Variants in CHRNB4 observed in about 807,000 individuals in gnomAD.
The protein encoded by CHRNB4 is neuronal acetylcholine receptor subunit beta-4.
CHRNB4 carries 23 observed loss-of-function variants against 40.4 expected under a neutral mutation model. The ratio of observed to expected loss-of-function variants is 0.57; its 90% CI spans 0.41 to 0.81. The LOEUF (loss-of-function observed/expected upper bound fraction) is 0.81. Ranked by LOEUF, CHRNB4 falls within the 30% of genes least tolerant of loss-of-function variation. The pLI, the probability that CHRNB4 is intolerant of heterozygous loss-of-function variation, is 0.00. For synonymous variants in CHRNB4, 285 were observed against 274.4 expected, an observed-to-expected ratio of 1.04 and a Z score of -0.38; for missense variants, 568 against 670.6, an observed-to-expected ratio of 0.85 and a Z score of 1.69.
At chr15:78,645,825 T>TG (rs2054118365), upstream of CHRNB4, among the ~76,000 whole-genome samples, 2 of 152,042 alleles carry the variant, frequency 1.3e-5, no homozygotes, top group Non-Finnish European at 2.9e-5. Flanking sequence ...TTTGGGAGGC[T>TG]GGGGCGGGTG....
intron 5 of CHRNB4, chr15:78,626,384 G>GTGTGTGTGTGTGTGTGT (rs35851650): frequency 2.3e-5 from 2 of 86,876 alleles, no homozygotes; most frequent in African/African-American, 3.9e-5. Context: ...GTGTGTGTGT[G>GTGTGTGTGTGTGTGTGT]TTTCCCCCTT....
chr15:78,654,206 C>T (rs1458881966), intron 5 of CHRNB4, among the ~76,000 whole-genome samples: 2 of 152,098 alleles, frequency 1.3e-5, no homozygotes, highest in Non-Finnish European at 1.5e-5. Context: ...GGTTTTGGCA[C>T]GTTGCTGGGA....
upstream of CHRNB4, chr15:78,641,319 T>C: frequency 1.9e-6 from 1 of 514,476 alleles, no homozygotes; most frequent in Non-Finnish European, 3.3e-6. Context: ...GGCCCGCTGC[T>C]CCGCCCCGAC....
chr15:78,657,733 T>C lies in CHRNB4; in HGVS notation c.-760-350A>G, dbSNP rs555502494. Among the ~76,000 whole-genome samples, 52 of 152,112 alleles carry C rather than the reference T, an allele frequency of 3.4e-4. No individual in the cohort carries two copies. In the East Asian group the frequency reaches 7.0e-3, roughly 21 times the overall value. On this transcript the variant is annotated intron_variant and NMD_transcript_variant, in intron 2 of 11. Transcript: ENST00000559849. Reference sequence around the variant, plus strand: ...CACGCCCGGCAATTTTTTGTATTTTTAGTAGAGACAGGGTTTCACTGTGTT... The same window carrying C: ...CACGCCCGGCAATTTTTTGTATTTTCAGTAGAGACAGGGTTTCACTGTGTT...
upstream of CHRNB4, chr15:78,661,194 C>A (rs905176586): frequency 1.6e-6 from 1 of 611,964 alleles, no homozygotes; most frequent in Non-Finnish European, 3.2e-6. Context: ...AACCAAAGAG[C>A]GGAATGGTGC....
intron 2 of CHRNB4, among the ~76,000 whole-genome samples, chr15:78,633,290 A>C (rs1034400779): frequency 6.6e-6 from 1 of 152,260 alleles, no homozygotes; most frequent in Non-Finnish European, 1.5e-5. Context: ...AGAGTAACAC[A>C]GGCTTAAATA....
chr15:78,654,291 C>T (rs12594247), intron 5 of CHRNB4, among the ~76,000 whole-genome samples: 22,282 of 152,274 alleles, frequency 0.15, 2,212 homozygotes, highest in South Asian at 0.37. Context: ...ATTTTTAAGT[C>T]TGCCCTGATG....
chr15:78,640,773 C>T (rs995135380), intron 1 of CHRNB4, among the ~76,000 whole-genome samples: 2 of 152,246 alleles, frequency 1.3e-5, no homozygotes, highest in African/African-American at 4.8e-5. Context: ...GCGGTGCCTG[C>T]AAAGCCGGTG....
At chr15:78,641,230 C>T (rs754494909), upstream of CHRNB4, 507 of 1,173,006 alleles carry the variant, frequency 4.3e-4, no homozygotes, top group Non-Finnish European at 5.1e-4. Flanking sequence ...TCCTGGCCCC[C>T]GAGGTTTGCT....
intron 2 of CHRNB4, among the ~76,000 whole-genome samples, chr15:78,633,580 T>A (rs984750211): frequency 2.6e-5 from 4 of 152,244 alleles, no homozygotes; most frequent in Non-Finnish European, 5.9e-5. Flanking sequence ...ATGTAGTTAC[T>A]GATATATTTG....
In CHRNB4 at chr15:78,629,890, C is replaced by T. The variant is rs1331359511; in HGVS notation, c.415G>A (p.Gly139Ser). 4 of 1,611,826 alleles carry T rather than the reference C, an allele frequency of 2.5e-6. No individual in the cohort carries two copies. Among genetic ancestry groups the T allele is most frequent in the Middle Eastern group, 1.7e-4 (1 of 6,058 alleles). ...VYTNLIVRSNGSVLWLPPAIY... is the reference protein window; with the variant it reads ...VYTNLIVRSNSSVLWLPPAIY... ...GCAGGGGGCAGCCACAGGACGCTGCCGTTGGACCGGACTATCAAGTTGGTG... is the reference window on the plus strand; with the variant it reads ...GCAGGGGGCAGCCACAGGACGCTGCTGTTGGACCGGACTATCAAGTTGGTG... The change falls in exon 5 of 6, where the codon GGC (glycine) becomes AGC (serine). Residue 139 changes from glycine to serine, a missense_variant. Physicochemically the swap from Gly to Ser is moderately conservative, Grantham distance 56. This residue lies in a region of CHRNB4 where 127 missense variants were observed against 167.4 expected (regional missense o/e 0.76). Transcript: ENST00000261751. This position sits in a 1 kb window ranked among gnomAD's most constrained non-coding sequence, Gnocchi z 6.8.
At chr15:78,661,601 A>C, upstream of CHRNB4, 6 of 507,944 alleles carry the variant, frequency 1.2e-5, no homozygotes, top group Non-Finnish European at 2.3e-5. Context: ...GCGGATGTCA[A>C]CTCCCATGAT....
chr15:78,645,929 G>A (rs142168350), upstream of CHRNB4, among the ~76,000 whole-genome samples: 555 of 151,824 alleles, frequency 3.7e-3, 12 homozygotes, highest in East Asian at 0.065. Context: ...GTATGGTGGC[G>A]CACACCTGTA....
intron 4 of CHRNB4, among the ~76,000 whole-genome samples, chr15:78,630,506 T>G (rs1194547290): frequency 6.6e-6 from 1 of 152,044 alleles, no homozygotes; most frequent in Admixed American, 6.5e-5. Context: ...GTGAGGCAGG[T>G]TTTATTATTA....
At chr15:78,643,263 T>C (rs2054097087), upstream of CHRNB4, among the ~76,000 whole-genome samples, 1 of 151,804 alleles carries the variant, frequency 6.6e-6, no homozygotes, top group Admixed American at 6.5e-5. Flanking sequence ...AGTTAGGTTT[T>C]TTTTTTGAGA....
intron 7 of CHRNB4, among the ~76,000 whole-genome samples, chr15:78,648,509 A>C (rs2141406826): frequency 6.6e-6 from 1 of 151,968 alleles, no homozygotes; most frequent in South Asian, 2.1e-4. Flanking sequence ...TAATCCCAGC[A>C]CTTTGGGAGG....
At chr15:78,634,475 C>A (rs978527851) in intron 2 of CHRNB4, 1 of 313,976 alleles carries the variant, frequency 3.2e-6, no homozygotes, top group East Asian at 7.9e-5. Context: ...TCCAGCCCTC[C>A]CCATCCTGGG....
intron 5 of CHRNB4, among the ~76,000 whole-genome samples, chr15:78,628,619 A>G (rs1361574199): frequency 6.6e-6 from 1 of 152,114 alleles, no homozygotes; most frequent in Non-Finnish European, 1.5e-5. Flanking sequence ...CCGGGTACCC[A>G]CGGCAGTATC....
intron 5 of CHRNB4, chr15:78,626,384 G>GTGTGTGTGTGTGTGT (rs35851650): frequency 2.3e-5 from 2 of 86,876 alleles, no homozygotes; most frequent in African/African-American, 7.8e-5. Flanking sequence ...GTGTGTGTGT[G>GTGTGTGTGTGTGTGT]TTTCCCCCTT....
Sources: gnomAD v4.1 joint callset for allele counts (sites outside exome capture counted in the v4.1 genomes callset) on GRCh38, gnomAD v4.1.1 for gene constraint, gnomAD v4.1.1 regional missense constraint, Gnocchi (gnomAD v3.1) non-coding constraint, MANE v1.5 for transcripts, NCBI Gene and HGNC (gene_info 2026-07-23, HGNC 2026-07-21) for gene names.